Variants in CRTC1 observed in about 807,000 individuals in gnomAD.
The protein encoded by CRTC1 is CREB-regulated transcription coactivator 1.
A neutral mutation model predicts 66.1 loss-of-function variants in CRTC1; 18 were observed. The ratio of observed to expected loss-of-function variants is 0.27; its 90% CI spans 0.19 to 0.40. The LOEUF (loss-of-function observed/expected upper bound fraction) is 0.40. CRTC1 is among the 10% of genes least tolerant of loss of function. The pLI, the probability that CRTC1 is intolerant of heterozygous loss-of-function variation, is 1.00. For synonymous variants in CRTC1, 416 were observed against 398.8 expected, an observed-to-expected ratio of 1.04 and a Z score of -0.51; for missense variants, 669 against 887.9, an observed-to-expected ratio of 0.75 and a Z score of 3.13.
chr19:18,696,358 C>A (rs2052987989), intron 1 of CRTC1, among the ~76,000 whole-genome samples: 1 of 152,136 alleles, frequency 6.6e-6, no homozygotes, highest in Non-Finnish European at 1.5e-5. Context: ...CCATGTGGAG[C>A]CATGGAAGGT....
At chr19:18,696,986 C>T (rs980603740) in intron 1 of CRTC1, among the ~76,000 whole-genome samples, 4 of 152,008 alleles carry the variant, frequency 2.6e-5, no homozygotes, top group African/African-American at 7.3e-5. Context: ...AACACACCCC[C>T]ACTTTATTTC....
intron 8 of CRTC1, among the ~76,000 whole-genome samples, chr19:18,762,640 C>T (rs1451905438): frequency 2.6e-5 from 4 of 152,312 alleles, no homozygotes; most frequent in South Asian, 2.1e-4. Flanking sequence ...TGAGGCCGGG[C>T]GGGCCCTGAC....
rs1158325129 is a variant in CRTC1, at chr19:18,760,359, C to T, written c.886+131C>T. 1 of 764,322 alleles carries T rather than the reference C, an allele frequency of 1.3e-6. No homozygotes were observed. Among genetic ancestry groups the T allele is most frequent in the Non-Finnish European group, 2.1e-6 (1 of 475,860 alleles). 47.3% of individuals were successfully genotyped at this position (764,322 alleles called of 1,614,324 possible). On this transcript the variant is annotated intron_variant, in intron 8 of 13. Transcript: ENST00000321949. This position sits in a 1 kb window ranked among gnomAD's most constrained non-coding sequence, Gnocchi z 6.2. ...GGGGACAGGGCTGGGGGGCGGCCGA[C>T]AGGCTGACCCAGCGGGCACAGGCAT...
intron 8 of CRTC1, among the ~76,000 whole-genome samples, chr19:18,761,461 G>C (rs1055627783): frequency 6.6e-6 from 1 of 152,154 alleles, no homozygotes; most frequent in African/African-American, 2.4e-5. Context: ...CCCAGAGCTG[G>C]AGAATGAACC....
At chr19:18,701,528 G>T (rs1398617041) in intron 1 of CRTC1, among the ~76,000 whole-genome samples, 1 of 152,260 alleles carries the variant, frequency 6.6e-6, no homozygotes, top group Non-Finnish European at 1.5e-5. Flanking sequence ...AGCTGCCACT[G>T]TGTGGCTTAT....
chr19:18,746,501 C>T (rs1196916633), intron 3 of CRTC1, among the ~76,000 whole-genome samples: 1 of 150,638 alleles, frequency 6.6e-6, no homozygotes, highest in Non-Finnish European at 1.5e-5. Flanking sequence ...CCAACTCAGC[C>T]GCCCCTTGGT....
In CRTC1 at chr19:18,746,089, C is replaced by G. The variant is rs1014949354; in HGVS notation, c.381+129C>G. On this transcript the variant is annotated intron_variant, in intron 3 of 13. Coordinates refer to ENST00000321949, the MANE Select transcript of CRTC1 (RefSeq NM_015321.3). Reference sequence around the variant, plus strand: ...TCTGGGGACAGAATCAGGGCAGCACCATCTGGGAGGCTTGATCTCAGGGCA... The same window carrying G: ...TCTGGGGACAGAATCAGGGCAGCACGATCTGGGAGGCTTGATCTCAGGGCA... The G allele has an allele frequency of 4.8e-4, 621 of 1,283,804 alleles. 4 individuals are homozygous for G. The highest frequency in any genetic ancestry group is 7.2e-5 in the Non-Finnish European group (68 of 942,858). The allele number at this position is 1,283,804 out of a possible 1,614,324, so 79.5% of individuals were successfully genotyped here.
At chr19:18,697,698 G>A (rs1268414600) in intron 1 of CRTC1, among the ~76,000 whole-genome samples, 1 of 152,224 alleles carries the variant, frequency 6.6e-6, no homozygotes, top group Non-Finnish European at 1.5e-5. Context: ...AGACGTGAAT[G>A]TGAAGGCATC....
At chr19:18,726,624 G>A (rs577789635) in intron 1 of CRTC1, among the ~76,000 whole-genome samples, 84 of 152,200 alleles carry the variant, frequency 5.5e-4, no homozygotes, top group Non-Finnish European at 6.2e-4. Context: ...CCAGTGACTG[G>A]TGTCCTTATA....
intron 1 of CRTC1, among the ~76,000 whole-genome samples, chr19:18,704,244 C>G (rs1467096879): frequency 6.6e-6 from 1 of 152,182 alleles, no homozygotes; most frequent in African/African-American, 2.4e-5. Context: ...TTTCAAGTAG[C>G]TGGGACTACA....
chr19:18,764,910 A>C (rs572355632), intron 8 of CRTC1, among the ~76,000 whole-genome samples: 2 of 152,322 alleles, frequency 1.3e-5, no homozygotes, highest in African/African-American at 4.8e-5. Context: ...AGCTAACCAC[A>C]ACCCAAGCCA....
chr19:18,726,146 C>G (rs1461261362), intron 1 of CRTC1, among the ~76,000 whole-genome samples: 1 of 152,252 alleles, frequency 6.6e-6, no homozygotes, highest in Non-Finnish European at 1.5e-5. Flanking sequence ...GATGATTTCC[C>G]TCAGGAGAGC....
At chr19:18,704,894 A>T (rs960227549) in intron 1 of CRTC1, among the ~76,000 whole-genome samples, 1 of 107,656 alleles carries the variant, frequency 9.3e-6, no homozygotes. Context: ...ACACTCACCC[A>T]CCCACCCCCT....
chr19:18,766,037 A>G (rs1251705977), intron 9 of CRTC1, among the ~76,000 whole-genome samples: 1 of 151,442 alleles, frequency 6.6e-6, no homozygotes, highest in African/African-American at 2.4e-5. Context: ...TTTTTTGGGT[A>G]GTTTGTATGT....
At chr19:18,748,355 C>G (rs989139300) in intron 4 of CRTC1, among the ~76,000 whole-genome samples, 23 of 149,886 alleles carry the variant, frequency 1.5e-4, no homozygotes, top group African/African-American at 5.6e-4. Context: ...CTGAATCGTC[C>G]CACCTCTGCT....
At chr19:18,685,106 C>T (rs2052656779) in intron 1 of CRTC1, among the ~76,000 whole-genome samples, 1 of 152,164 alleles carries the variant, frequency 6.6e-6, no homozygotes, top group African/African-American at 2.4e-5. Context: ...TAACCTCAGT[C>T]TCTGATTCCT....
At chr19:18,773,610 C>T (rs1468105364) in intron 11 of CRTC1, among the ~76,000 whole-genome samples, 1 of 152,242 alleles carries the variant, frequency 6.6e-6, no homozygotes, top group African/African-American at 2.4e-5. Flanking sequence ...GCCTGCCTCC[C>T]TCGCCTCGGG....
intron 1 of CRTC1, among the ~76,000 whole-genome samples, chr19:18,709,645 C>T (rs113497401): frequency 1.1e-4 from 16 of 152,266 alleles, no homozygotes; most frequent in African/African-American, 3.9e-4. Context: ...CTGAGGTCCT[C>T]TGGGAAGCCG....
At chr19:18,695,540 A>G (rs993517093) in intron 1 of CRTC1, among the ~76,000 whole-genome samples, 4 of 151,356 alleles carry the variant, frequency 2.6e-5, no homozygotes, top group Non-Finnish European at 1.5e-5. Flanking sequence ...ACTGGCATCC[A>G]GTGGGCAGAG....
Sources: gnomAD v4.1 joint callset for allele counts (sites outside exome capture counted in the v4.1 genomes callset) on GRCh38, gnomAD v4.1.1 for gene constraint, Gnocchi (gnomAD v3.1) non-coding constraint, MANE v1.5 for transcripts, NCBI Gene and HGNC (gene_info 2026-07-23, HGNC 2026-07-21) for gene names.